Variants in CPLANE1 observed in about 807,000 individuals in gnomAD.
CPLANE1 encodes ciliogenesis and planar polarity effector 1.
CPLANE1 carries 263 observed loss-of-function variants against 362.5 expected under a neutral mutation model. The ratio of observed to expected loss-of-function variants is 0.73; its 90% CI spans 0.66 to 0.80. The LOEUF is 0.80. Among genes scored for constraint, CPLANE1 ranks in the 30% least tolerant of loss-of-function variants. The pLI is 0.00. For synonymous variants in CPLANE1, 1,212 were observed against 1,302.6 expected (o/e 0.93, Z 1.50); for missense variants, 3,461 against 3,793.4 (o/e 0.91, Z 2.30).
intron 32 of CPLANE1, among the ~76,000 whole-genome samples, chr5:37,172,740 C>T (rs951583424): frequency 1.3e-5 from 2 of 152,192 alleles, no homozygotes; most frequent in Admixed American, 6.5e-5. Context: ...AATCCTAGCA[C>T]TTTGGGAGGC....
In CPLANE1 at chr5:37,143,314, A is replaced by T. The variant is rs534216975; in HGVS notation, c.8462-834T>A. ...CAACCATGAAAGACAGTCAGTATGC[A>T]GATTCAACAATTGATAATGTGCACA... On this transcript the variant is annotated intron_variant, in intron 43 of 52. Transcript: ENST00000651892. Among the ~76,000 whole-genome samples the T allele has an allele frequency of 6.6e-5, 10 of 152,374 alleles. No individual in the cohort carries two copies. In the East Asian group the frequency reaches 1.9e-3, roughly 29 times the overall value.
chr5:37,242,333 G>A (rs1177517947), intron 6 of CPLANE1, among the ~76,000 whole-genome samples: 5 of 150,948 alleles, frequency 3.3e-5, no homozygotes, highest in East Asian at 2.0e-4. Flanking sequence ...CAGCCTGGGC[G>A]ACAGAGCAAG....
chr5:37,192,512 GATATT>G (rs1374886929), intron 21 of CPLANE1, among the ~76,000 whole-genome samples: 4 of 152,050 alleles, frequency 2.6e-5, no homozygotes, highest in African/African-American at 9.7e-5. Context: ...GACTATATAT[GATATT>G]AAAGATTTAT....
intron 31 of CPLANE1, 106 bp downstream of exon 31, chr5:37,175,803 T>A: frequency 1.3e-6 from 1 of 751,848 alleles, no homozygotes; most frequent in Non-Finnish European, 2.2e-6. Flanking sequence ...TAGTTTTTAG[T>A]CAAAATGTAG....
In CPLANE1 at chr5:37,245,530, TCAAA is replaced by T; in HGVS notation, c.282_285del (p.Cys94Ter). The T allele has an allele frequency of 6.6e-7, 1 of 1,507,400 alleles. No individual in the cohort carries two copies. The highest frequency in any genetic ancestry group is 1.7e-4 in the Middle Eastern group (1 of 5,848). The allele number at this position is 1,507,400 out of a possible 1,614,324, so 93.4% of individuals were successfully genotyped here. ...GGCTTTTCAGTTATTGGTATAGTTTTCAAACAATCTTGATCTTTGTTCCAAAGGA... is the reference window on the plus strand; with the variant it reads ...GGCTTTTCAGTTATTGGTATAGTTTTCAATCTTGATCTTTGTTCCAAAGGA... On this transcript the variant is annotated frameshift_variant, in exon 4 of 53. Transcript: ENST00000651892.
At chr5:37,185,580 G>A (rs1783762181) in intron 24 of CPLANE1, among the ~76,000 whole-genome samples, 1 of 151,828 alleles carries the variant, frequency 6.6e-6, no homozygotes. Flanking sequence ...TACATAAACA[G>A]AATATTTTAG....
intron 8 of CPLANE1, among the ~76,000 whole-genome samples, chr5:37,232,352 C>T (rs1369417093): frequency 1.3e-5 from 2 of 151,826 alleles, no homozygotes; most frequent in African/African-American, 4.8e-5. Flanking sequence ...CCCGTCTCCA[C>T]TAAAAATACA....
At chr5:37,111,951 G>A (rs995756162) in intron 51 of CPLANE1, among the ~76,000 whole-genome samples, 1 of 152,082 alleles carries the variant, frequency 6.6e-6, no homozygotes, top group African/African-American at 2.4e-5. Context: ...ACCAATGAGT[G>A]GTTAAGCAAC....
intron 49 of CPLANE1, among the ~76,000 whole-genome samples, chr5:37,120,782 A>G (rs927539781): frequency 3.3e-5 from 5 of 152,096 alleles, no homozygotes; most frequent in African/African-American, 7.2e-5. Context: ...GGGCAGTTAT[A>G]TATGTATTTA....
Position 37,209,216 on chromosome 5 carries a change from AC to A in CPLANE1, c.2921-2792del, listed in dbSNP as rs1277870043. 3.5e-6 allele frequency: 2 copies of A among 576,600 alleles called. No homozygotes were observed. The highest frequency in any genetic ancestry group is 3.8e-5 in the African/African-American group (2 of 52,898). 35.7% of individuals were successfully genotyped at this position (576,600 alleles called of 1,614,324 possible). On this transcript the variant is annotated intron_variant, in intron 16 of 52. Coordinates refer to ENST00000651892, the MANE Select transcript of CPLANE1 (RefSeq NM_001384732.1). This position sits in a 1 kb window ranked among gnomAD's most constrained non-coding sequence, Gnocchi z 4.6. Reference sequence around the variant, plus strand: ...GAGTGCAAGGCAGAGAGCGTTCAGCACCCTTGTTCCTCCCGACCCCTCAGGA... The same window carrying A: ...GAGTGCAAGGCAGAGAGCGTTCAGCACCTTGTTCCTCCCGACCCCTCAGGA...
Position 37,109,735 on chromosome 5 carries a change from C to G in CPLANE1, c.9401-1264G>C, listed in dbSNP as rs560334951. Among the ~76,000 whole-genome samples, 221 of 152,330 alleles carry G rather than the reference C, an allele frequency of 1.5e-3. 1 individual carries two copies. Among genetic ancestry groups the G allele is most frequent in the African/African-American group, 5.1e-3 (213 of 41,576 alleles). ...GCAGTGGTGCAATTTCGGTTCGCTG[C>G]AACCTCTGCCTCCCGGATTCAAGCG... On this transcript the variant is annotated intron_variant, in intron 51 of 52. Coordinates refer to ENST00000651892, the MANE Select transcript of CPLANE1 (RefSeq NM_001384732.1).
chr5:37,207,606 T>A (rs1005022444), intron 16 of CPLANE1, among the ~76,000 whole-genome samples: 1 of 152,170 alleles, frequency 6.6e-6, no homozygotes, highest in African/African-American at 2.4e-5. Context: ...TGTATATGCA[T>A]CCTGAAACAT....
chr5:37,239,318 C>T lies in CPLANE1; in HGVS notation c.835-358G>A, dbSNP rs1044389219. Among the ~76,000 whole-genome samples the T allele has an allele frequency of 2.0e-4, 31 of 152,156 alleles. 1 individual carries two copies. The highest frequency in any genetic ancestry group is 6.8e-4 in the African/African-American group (28 of 41,430). Reference sequence around the variant, plus strand: ...AAAGCAGGCTGGGCACAGTGGTTCACACCTGTAATCCCAGCACTTTGGGAG... The same window carrying T: ...AAAGCAGGCTGGGCACAGTGGTTCATACCTGTAATCCCAGCACTTTGGGAG... On this transcript the variant is annotated intron_variant, in intron 7 of 52. Transcript: ENST00000651892.
intron 50 of CPLANE1, among the ~76,000 whole-genome samples, chr5:37,119,743 TG>T (rs1280742025): frequency 6.6e-6 from 1 of 152,044 alleles, no homozygotes; most frequent in African/African-American, 2.4e-5. Flanking sequence ...CCCAGCACTT[TG>T]GGAGGCCGGG....
Position 37,209,813 on chromosome 5 carries a change from T to A in CPLANE1, c.2921-3388A>T, listed in dbSNP as rs1792067705. The A allele has an allele frequency of 3.7e-6, 5 of 1,340,002 alleles. No homozygotes were observed. In the East Asian group the frequency reaches 1.1e-4, roughly 31 times the overall value. 83.0% of individuals were successfully genotyped at this position (1,340,002 alleles called of 1,614,324 possible). A position where few individuals can be genotyped will look rare whatever the true frequency, so the allele number is the denominator to read the frequency against. ...ATTTTTTAAAAGGATTGGCAGAATA[T>A]CATCAAGCTAAAGAAAGTTGTAATA... is the stretch of plus-strand genomic sequence containing the variant. On this transcript the variant is annotated intron_variant, in intron 16 of 52. Transcript: ENST00000651892. The surrounding 1 kb of genome is among the most constrained non-coding windows in gnomAD (Gnocchi z 4.6).
the CPLANE1 span, among the ~76,000 whole-genome samples, chr5:37,089,417 C>G: frequency 6.6e-6 from 1 of 152,166 alleles, no homozygotes; most frequent in South Asian, 2.1e-4. Flanking sequence ...CTCCCCTACC[C>G]CTGATGTGGC....
chr5:37,242,225 G>A (rs1800712577), intron 6 of CPLANE1, among the ~76,000 whole-genome samples: 1 of 151,738 alleles, frequency 6.6e-6, no homozygotes. Flanking sequence ...CTGGTGGCGG[G>A]CACCTGTAGT....
At chr5:37,216,574 G>A (rs1006327609) in intron 15 of CPLANE1, among the ~76,000 whole-genome samples, 1 of 149,120 alleles carries the variant, frequency 6.7e-6, no homozygotes, top group African/African-American at 2.6e-5. Context: ...AATGTGTGGA[G>A]TGAAGGGAGA....
chr5:37,232,731 G>C (rs1476036752), intron 8 of CPLANE1, among the ~76,000 whole-genome samples: 3 of 150,236 alleles, frequency 2.0e-5, no homozygotes, highest in African/African-American at 7.3e-5. Flanking sequence ...AGCTACTTGG[G>C]AAGTTGAGGC....
Sources: allele counts gnomAD v4.1 joint callset (sites outside exome capture counted in the v4.1 genomes callset), GRCh38; gene constraint gnomAD v4.1.1; non-coding constraint Gnocchi (gnomAD v3.1); transcripts MANE v1.5; gene names NCBI Gene and HGNC (gene_info 2026-07-23, HGNC 2026-07-21).